The following THRB variants were observed in gnomAD, a reference collection of about 807,000 sequenced individuals.
THRB encodes the protein nuclear receptor subfamily 1 group A member 2.
A neutral mutation model predicts 47.8 loss-of-function variants in THRB; 12 were observed. The observed-to-expected ratio is 0.25, with a 90% CI of 0.16 to 0.41. The LOEUF is 0.41. THRB is among the 10% of genes least tolerant of loss of function. The pLI is 1.00. For synonymous variants in THRB, 218 were observed against 212.2 expected (o/e 1.03, Z -0.24); for missense variants, 348 against 589.2 (o/e 0.59, Z 4.24).
At chr3:24,452,378 T>C (rs964625511) in intron 1 of THRB, among the ~76,000 whole-genome samples, 2 of 152,124 alleles carry the variant, frequency 1.3e-5, no homozygotes, top group Non-Finnish European at 2.9e-5. Context: ...TGTCACCTCA[T>C]GGTTCCCATC....
chr3:24,254,727 C>T (rs957799757), intron 3 of THRB, among the ~76,000 whole-genome samples: 2 of 152,204 alleles, frequency 1.3e-5, no homozygotes, highest in Middle Eastern at 3.2e-3. Flanking sequence ...TGCTATAAGG[C>T]AGTTCATTCT....
chr3:24,492,482 T>C (rs1698302536), intron 1 of THRB, among the ~76,000 whole-genome samples: 1 of 152,180 alleles, frequency 6.6e-6, no homozygotes, highest in African/African-American at 2.4e-5. Flanking sequence ...TACACTAGAA[T>C]GAGAAGACCA....
intron 3 of THRB, among the ~76,000 whole-genome samples, chr3:24,285,578 A>G (rs826241): frequency 0.61 from 92,435 of 151,074 alleles, 29,702 homozygotes; most frequent in Middle Eastern, 0.8. Flanking sequence ...AACTTAAAGT[A>G]TAATTAAAAA....
intron 8 of THRB, among the ~76,000 whole-genome samples, chr3:24,135,847 A>ATATATATATATT (rs371175625): frequency 5.3e-5 from 7 of 130,980 alleles, no homozygotes; most frequent in South Asian, 2.4e-4. Context: ...ATATATATAT[A>ATATATATATATT]ATACATAAAT....
rs149608289 is a variant in THRB at position 24,359,422 on chromosome 3, A to G, written c.-260-22051T>C. On this transcript the variant is annotated intron_variant, in intron 1 of 10. Transcript: ENST00000646209. ...CAGGGAGGAGGCTGCATGGCCTTTAATGGTCTAGCCTCAGAAGTCACTTAG... is the reference window on the plus strand; with the variant it reads ...CAGGGAGGAGGCTGCATGGCCTTTAGTGGTCTAGCCTCAGAAGTCACTTAG... 3.8e-4 allele frequency among the ~76,000 whole-genome samples: 58 copies of G among 152,234 alleles called. 3 individuals carry two copies. In the East Asian group the frequency reaches 9.7e-3, roughly 25 times the overall value.
At chr3:24,322,914 C>T (rs117459211) in intron 2 of THRB, among the ~76,000 whole-genome samples, 2 of 152,230 alleles carry the variant, frequency 1.3e-5, no homozygotes, top group East Asian at 3.9e-4. Flanking sequence ...AACACAAACA[C>T]GATTTGGGTG....
At chr3:24,230,176 C>G (rs1163942415) in intron 3 of THRB, among the ~76,000 whole-genome samples, 1 of 152,192 alleles carries the variant, frequency 6.6e-6, no homozygotes, top group Non-Finnish European at 1.5e-5. Flanking sequence ...CATTCATGCT[C>G]TGTCTCCACA....
chr3:24,188,517 C>T (rs2042892583), intron 5 of THRB, among the ~76,000 whole-genome samples: 1 of 152,066 alleles, frequency 6.6e-6, no homozygotes, highest in African/African-American at 2.4e-5. Flanking sequence ...TTGATAGAGA[C>T]ATAGATGGAC....
intron 3 of THRB, among the ~76,000 whole-genome samples, chr3:24,294,275 T>A (rs1331141559): frequency 6.6e-6 from 1 of 152,166 alleles, no homozygotes; most frequent in Non-Finnish European, 1.5e-5. Context: ...TCCTGGATGT[T>A]GTAGCTCCAG....
chr3:24,324,814 T>C (rs1293563855), intron 2 of THRB, among the ~76,000 whole-genome samples: 1 of 152,228 alleles, frequency 6.6e-6, no homozygotes, highest in African/African-American at 2.4e-5. Context: ...AATCTTTGTT[T>C]CTTATTCCTG....
chr3:24,321,688 C>T lies in THRB; in HGVS notation c.-189+15612G>A, dbSNP rs149128610. Among the ~76,000 whole-genome samples, 19 of 151,862 alleles carry T rather than the reference C, an allele frequency of 1.3e-4. No homozygotes were observed. In the East Asian group the frequency reaches 2.7e-3, roughly 22 times the overall value. On this transcript the variant is annotated intron_variant, in intron 2 of 10. Coordinates refer to ENST00000646209, the MANE Select transcript of THRB (RefSeq NM_001354712.2). ...TTTTCATAAGGTTCCCCTAAAGAAC[C>T]GTGAATCCAAAATGTTAGGAATGAT...
chr3:24,226,557 G>A (rs905390018), intron 4 of THRB, among the ~76,000 whole-genome samples: 7 of 152,130 alleles, frequency 4.6e-5, no homozygotes, highest in African/African-American at 1.7e-4. Context: ...GAGGCAGCTG[G>A]GGTTCTGGCT....
At chr3:24,421,361 T>TA (rs60203372) in intron 1 of THRB, among the ~76,000 whole-genome samples, 37,541 of 145,288 alleles carry the variant, frequency 0.26, 5,163 homozygotes, top group East Asian at 0.36. Flanking sequence ...AAAGTCACAT[T>TA]AAAAAAAAAA....
intron 1 of THRB, chr3:24,494,131 T>C (rs1029593909): frequency 2.0e-5 from 3 of 152,420 alleles, no homozygotes; most frequent in Non-Finnish European, 2.9e-5. Flanking sequence ...TCCAGGATAA[T>C]TCTCCTTTCC....
chr3:24,413,480 G>A (rs76589483), intron 1 of THRB, among the ~76,000 whole-genome samples: 9,240 of 151,712 alleles, frequency 0.061, 406 homozygotes, highest in African/African-American at 0.13. Flanking sequence ...GAAAAATAAA[G>A]AAATCCAAAT....
At chr3:24,446,520 T>G (rs182681440) in intron 1 of THRB, among the ~76,000 whole-genome samples, 42 of 150,350 alleles carry the variant, frequency 2.8e-4, no homozygotes, top group African/African-American at 1.0e-3. Context: ...TGCTGCTAAA[T>G]TGTCATTCCA....
At chr3:24,172,941 A>C (rs1411060935) in intron 5 of THRB, among the ~76,000 whole-genome samples, 1 of 152,216 alleles carries the variant, frequency 6.6e-6, no homozygotes, top group Non-Finnish European at 1.5e-5. Context: ...CTTTTACTAG[A>C]TGAAATATGT....
intron 10 of THRB, among the ~76,000 whole-genome samples, chr3:24,123,900 A>G (rs1386427940): frequency 6.6e-6 from 1 of 152,140 alleles, no homozygotes; most frequent in East Asian, 1.9e-4. Flanking sequence ...AGTATGTGGG[A>G]GAGGCTCAAG....
At chr3:24,416,957 A>C (rs2068786679) in intron 1 of THRB, among the ~76,000 whole-genome samples, 1 of 151,900 alleles carries the variant, frequency 6.6e-6, no homozygotes. Context: ...TTTGTCCAAT[A>C]ATTCTCTTTA....
Sources: gnomAD v4.1 joint callset for allele counts (sites outside exome capture counted in the v4.1 genomes callset) on GRCh38, gnomAD v4.1.1 for gene constraint, MANE v1.5 for transcripts, NCBI Gene and HGNC (gene_info 2026-07-23, HGNC 2026-07-21) for gene names.